Variants in KIF13A observed in about 807,000 individuals in gnomAD.
The protein encoded by KIF13A is kinesin family member 13A.
Under a neutral mutation model 212.2 loss-of-function variants are expected in KIF13A, and 79 were observed. The ratio of observed to expected loss-of-function variants is 0.37; its 90% CI spans 0.31 to 0.45. The LOEUF (loss-of-function observed/expected upper bound fraction) is 0.45, where lower values mean the gene tolerates loss of function less well. Among genes scored for constraint, KIF13A ranks in the 20% least tolerant of loss-of-function variants. KIF13A has a pLI of 1.00. For missense variants in KIF13A, 1,901 were observed against 2,209.0 expected (o/e 0.86, Z 2.79); for synonymous variants, 789 against 808.6 (o/e 0.98, Z 0.41).
At chr6:17,974,401 C>A (rs1420560285) in intron 2 of KIF13A, among the ~76,000 whole-genome samples, 1 of 152,104 alleles carries the variant, frequency 6.6e-6, no homozygotes, top group African/African-American at 2.4e-5. Flanking sequence ...CTATACTAGA[C>A]CGACGGTTTT....
intron 3 of KIF13A, among the ~76,000 whole-genome samples, chr6:17,893,286 G>A (rs142605808): frequency 5.9e-5 from 9 of 152,274 alleles, no homozygotes; most frequent in African/African-American, 2.2e-4. Flanking sequence ...CTAGTTCTAT[G>A]TCTTAGCACA....
Position 17,771,815 on chromosome 6 carries a change from C to T in KIF13A, c.4476+93G>A. ...ATGGAGTGATGACCGTGCATGTCCACATGCAGCACTCAGCTTGTTAATGCA... is the reference window on the plus strand; with the variant it reads ...ATGGAGTGATGACCGTGCATGTCCATATGCAGCACTCAGCTTGTTAATGCA... On this transcript the variant is annotated intron_variant, in intron 37 of 38. Transcript: ENST00000259711. This position sits in a 1 kb window ranked among gnomAD's most constrained non-coding sequence, Gnocchi z 5.4. 8.3e-7 allele frequency: 1 copy of T among 1,200,672 alleles called. No individual in the cohort carries two copies. The highest frequency in any genetic ancestry group is 1.2e-6 in the Non-Finnish European group (1 of 829,120). The allele number at this position is 1,200,672 out of a possible 1,614,324, so 74.4% of individuals were successfully genotyped here.
chr6:17,863,516 T>C (rs1769052421), intron 4 of KIF13A, among the ~76,000 whole-genome samples: 1 of 152,052 alleles, frequency 6.6e-6, no homozygotes, highest in Non-Finnish European at 1.5e-5. Flanking sequence ...TGTGAACTCG[T>C]GGCCGGAGTT....
At chr6:17,908,024 G>A (rs925397743) in intron 2 of KIF13A, among the ~76,000 whole-genome samples, 40 of 152,268 alleles carry the variant, frequency 2.6e-4, no homozygotes, top group African/African-American at 6.7e-4. Flanking sequence ...AGCCCTCACC[G>A]TGTGTAAGTT....
At chr6:17,896,152 A>G (rs1238143031) in intron 3 of KIF13A, among the ~76,000 whole-genome samples, 1 of 151,880 alleles carries the variant, frequency 6.6e-6, no homozygotes, top group Non-Finnish European at 1.5e-5. Flanking sequence ...CGAATACTGT[A>G]TTTTCTAACT....
rs191734932 is a variant in KIF13A, at chr6:17,971,353, C to T, written c.146+15701G>A. 4.1e-4 allele frequency among the ~76,000 whole-genome samples: 63 copies of T among 152,232 alleles called. No homozygotes were observed. Among genetic ancestry groups the T allele is most frequent in the African/African-American group, 1.4e-3 (58 of 41,568 alleles). ...AAGTTTTAAATTCTGAGATTATGTC[C>T]TTTCTCCTATTCTGGTGTTAAGCTG... On this transcript the variant is annotated intron_variant, in intron 2 of 38. Transcript: ENST00000259711. This position sits in a 1 kb window ranked among gnomAD's most constrained non-coding sequence, Gnocchi z 4.2.
In KIF13A at chr6:17,799,684, T is replaced by G. The variant is rs74808786; in HGVS notation, c.2617-245A>C. On this transcript the variant is annotated intron_variant, in intron 21 of 38. Coordinates refer to ENST00000259711, the MANE Select transcript of KIF13A (RefSeq NM_022113.6). The surrounding 1 kb of genome is among the most constrained non-coding windows in gnomAD (Gnocchi z 4.4). ...ATTCCTGCAAAAGCTTCCTAATGACTGAGATGCAACCTTTAATAGAAAAAC... is the reference window on the plus strand; with the variant it reads ...ATTCCTGCAAAAGCTTCCTAATGACGGAGATGCAACCTTTAATAGAAAAAC... Among the ~76,000 whole-genome samples the G allele has an allele frequency of 0.025, 3,867 of 152,286 alleles. 74 individuals are homozygous for G. The highest frequency in any genetic ancestry group is 0.04 in the Non-Finnish European group (2,731 of 68,016).
At position 17,826,909 on chromosome 6, in the gene KIF13A, T is replaced by A. The variant is rs1428592575; in HGVS notation, c.1533-785A>T. Among the ~76,000 whole-genome samples, 2 of 151,188 alleles carry A rather than the reference T, an allele frequency of 1.3e-5. No individual in the cohort carries two copies. Among genetic ancestry groups the A allele is most frequent in the Non-Finnish European group, 3.0e-5 (2 of 67,770 alleles). On this transcript the variant is annotated intron_variant, in intron 14 of 38. Transcript: ENST00000259711. The surrounding 1 kb of genome is among the most constrained non-coding windows in gnomAD (Gnocchi z 4.7). ...AAATCTGGAATCTACTTTAAAATAA[T>A]TTTTTTTTCTGGGCATGGTGGTGGG...
At position 17,963,001 on chromosome 6, in the gene KIF13A, G is replaced by T. The variant is rs77801650; in HGVS notation, c.146+24053C>A. ...TCCCCCACTACACTGTAAACTCAAA[G>T]TGCATAAAGATAATTGTTTATCCTA... On this transcript the variant is annotated intron_variant, in intron 2 of 38. Transcript: ENST00000259711. The surrounding 1 kb of genome is among the most constrained non-coding windows in gnomAD (Gnocchi z 4.1). 3.6e-3 allele frequency among the ~76,000 whole-genome samples: 550 copies of T among 152,286 alleles called. 25 individuals are homozygous for T. The East Asian group carries it at 0.095, about 26-fold the overall frequency.
chr6:17,929,594 G>A (rs1775815092), intron 2 of KIF13A, among the ~76,000 whole-genome samples: 1 of 152,120 alleles, frequency 6.6e-6, no homozygotes, highest in Non-Finnish European at 1.5e-5. Flanking sequence ...TAGAGACGGG[G>A]TTTCACCGTG....
Position 17,764,258 on chromosome 6 carries a change from T to C in KIF13A, c.5270A>G (p.Glu1757Gly), listed in dbSNP as rs777457626. 6.2e-7 allele frequency: 1 copy of C among 1,614,006 alleles called. No homozygotes were observed. Among genetic ancestry groups the C allele is most frequent in the South Asian group, 1.1e-5 (1 of 91,086 alleles). The change falls in exon 39 of 39, where the codon GAG becomes GGG. Residue 1757 changes from glutamate (E) to glycine (G), a missense_variant. Around this residue, in one of 5 missense-constraint regions of KIF13A, gnomAD observed 687 missense variants for 759.1 expected, o/e 0.90. Transcript: ENST00000259711. The surrounding 1 kb of genome is among the most constrained non-coding windows in gnomAD (Gnocchi z 5.1). ...FDGLTDSSAG[E>G]LSSRRSLPNK... ...TGGTAGACTCCTCCTACTGGAAAGC[T>C]CTCCAGCAGAAGAATCTGTCAAACC...
chr6:17,833,002 A>G (rs1765581902), intron 12 of KIF13A, among the ~76,000 whole-genome samples: 1 of 127,444 alleles, frequency 7.8e-6, no homozygotes, highest in Non-Finnish European at 1.6e-5. Flanking sequence ...CGACAGAGAG[A>G]GACTCTGTCT....
intron 28 of KIF13A, among the ~76,000 whole-genome samples, chr6:17,784,868 C>T (rs991079030): frequency 1.6e-4 from 24 of 152,130 alleles, no homozygotes; most frequent in African/African-American, 5.3e-4. Flanking sequence ...AAACAGACCA[C>T]GAAACTGATT....
chr6:17,910,708 A>C (rs1581705914), intron 2 of KIF13A, among the ~76,000 whole-genome samples: 1 of 152,258 alleles, frequency 6.6e-6, no homozygotes, highest in Admixed American at 6.5e-5. Flanking sequence ...CAGTAACAGC[A>C]AAGTCTTAAA....
At chr6:17,909,408 T>C (rs937966651) in intron 2 of KIF13A, among the ~76,000 whole-genome samples, 10 of 151,646 alleles carry the variant, frequency 6.6e-5, no homozygotes, top group Admixed American at 5.9e-4. Flanking sequence ...TGGTGGCGCG[T>C]GCCTGTAGAT....
At chr6:17,870,533 T>TG (rs1217654773) in intron 4 of KIF13A, among the ~76,000 whole-genome samples, 1 of 151,888 alleles carries the variant, frequency 6.6e-6, no homozygotes, top group Non-Finnish European at 1.5e-5. Flanking sequence ...TGGGCAATAA[T>TG]GGAGGATGTG....
rs1032554778 is a variant in KIF13A at position 17,776,173 on chromosome 6, C to T, written c.4170+1104G>A. On this transcript the variant is annotated intron_variant, in intron 34 of 38. Transcript: ENST00000259711. This position sits in a 1 kb window ranked among gnomAD's most constrained non-coding sequence, Gnocchi z 4.6. Reference sequence around the variant, plus strand: ...GATTATAAGCGTGAGCCACCGTGCCCGATCTTCTTTACTTTTTAAGCTAGA... The same window carrying T: ...GATTATAAGCGTGAGCCACCGTGCCTGATCTTCTTTACTTTTTAAGCTAGA... Among the ~76,000 whole-genome samples, 39 of 152,236 alleles carry T rather than the reference C, an allele frequency of 2.6e-4. No individual in the cohort carries two copies. Among genetic ancestry groups the T allele is most frequent in the African/African-American group, 8.2e-4 (34 of 41,526 alleles).
rs1201561496 is a variant in KIF13A, at chr6:17,919,723, C to T, written c.147-21543G>A. On this transcript the variant is annotated intron_variant, in intron 2 of 38. Transcript: ENST00000259711. This position sits in a 1 kb window ranked among gnomAD's most constrained non-coding sequence, Gnocchi z 4.1. Reference sequence around the variant, plus strand: ...GCTGTGAGACAGGGTGGCAGCCGAACGGTGTCTCCTGGCAGCCCAATACTG... The same window carrying T: ...GCTGTGAGACAGGGTGGCAGCCGAATGGTGTCTCCTGGCAGCCCAATACTG... Among the ~76,000 whole-genome samples the T allele has an allele frequency of 1.3e-5, 2 of 152,146 alleles. No individual in the cohort carries two copies.
chr6:17,813,509 A>G (rs540262682), intron 17 of KIF13A, among the ~76,000 whole-genome samples: 1 of 152,328 alleles, frequency 6.6e-6, no homozygotes, highest in African/African-American at 2.4e-5. Context: ...AAAGAGTAAT[A>G]TAAGTATGAT....
Sources: allele counts gnomAD v4.1 joint callset (sites outside exome capture counted in the v4.1 genomes callset), GRCh38; gene constraint gnomAD v4.1.1; regional missense constraint gnomAD v4.1.1; non-coding constraint Gnocchi (gnomAD v3.1); transcripts MANE v1.5; gene names NCBI Gene and HGNC (gene_info 2026-07-23, HGNC 2026-07-21).